Variants in CPVL observed in about 807,000 individuals in gnomAD.
CPVL encodes carboxypeptidase vitellogenic like.
CPVL carries 51 observed loss-of-function variants against 63.7 expected under a neutral mutation model. The ratio of observed to expected loss-of-function variants is 0.80; its 90% CI spans 0.64 to 1.01. The LOEUF is 1.01. Ranked by LOEUF, CPVL falls within the 50% of genes least tolerant of loss-of-function variation. The pLI, the probability that CPVL is intolerant of heterozygous loss-of-function variation, is 0.00. For missense variants in CPVL, 530 were observed against 573.1 expected, an observed-to-expected ratio of 0.92 and a Z score of 0.77; for synonymous variants, 195 against 206.0, an observed-to-expected ratio of 0.95 and a Z score of 0.46.
intron 1 of CPVL, among the ~76,000 whole-genome samples, chr7:29,188,948 C>CTTTTT (rs11376135): frequency 5.5e-4 from 72 of 129,958 alleles, no homozygotes; most frequent in African/African-American, 2.0e-3. Flanking sequence ...TTCCTCATAC[C>CTTTTT]TTTTTTTTTT....
chr7:29,171,854 C>T (rs1796650414), intron 5 of CPVL, among the ~76,000 whole-genome samples: 2 of 152,176 alleles, frequency 1.3e-5, no homozygotes, highest in Admixed American at 6.5e-5. Flanking sequence ...TTCAAGCATG[C>T]CGTCACATAT....
At chr7:29,016,187 C>T (rs1786389508) in intron 12 of CPVL, among the ~76,000 whole-genome samples, 1 of 151,956 alleles carries the variant, frequency 6.6e-6, no homozygotes. Context: ...CCTGTCTCTA[C>T]TAAAAACACA....
At chr7:29,115,648 AAAAAGG>A (rs1172274761) in intron 2 of CPVL, among the ~76,000 whole-genome samples, 1 of 148,294 alleles carries the variant, frequency 6.7e-6, no homozygotes, top group East Asian at 2.2e-4. Flanking sequence ...TCCCAAAAAA[AAAAAGG>A]AGAGTAGAGA....
rs1009346876 is a variant in CPVL, at chr7:29,078,073, C to A, written c.610-5650G>T. ...ACTTCCTAGACATTTCCAGACCATG[C>A]GTCATCTAATTTCAAGACCATACTG... On this transcript the variant is annotated intron_variant, in intron 7 of 12. Transcript: ENST00000265394. 2.0e-5 allele frequency among the ~76,000 whole-genome samples: 3 copies of A among 152,110 alleles called. No homozygotes were observed. The East Asian group carries it at 5.8e-4, about 29-fold the overall frequency.
intron 1 of CPVL, among the ~76,000 whole-genome samples, chr7:29,130,770 G>A (rs1027715686): frequency 6.6e-6 from 1 of 152,128 alleles, no homozygotes; most frequent in Non-Finnish European, 1.5e-5. Context: ...TGCAACTGTT[G>A]ATAAAAACGG....
intron 2 of CPVL, among the ~76,000 whole-genome samples, chr7:29,116,026 T>C (rs907337282): frequency 9.2e-5 from 14 of 152,178 alleles, no homozygotes; most frequent in Non-Finnish European, 1.9e-4. Flanking sequence ...TTTGTGTTAT[T>C]TAACTTTGCA....
exon 3 of CPVL, chr7:29,185,576 C>G (rs1206931181): frequency 1.3e-5 from 2 of 151,746 alleles, no homozygotes; most frequent in Non-Finnish European, 2.9e-5. Context: ...CTTATCAAAC[C>G]TTAGCAGCAT....
At chr7:29,123,628 A>AAAATAT (rs1562780901) in intron 1 of CPVL, among the ~76,000 whole-genome samples, 55 of 41,742 alleles carry the variant, frequency 1.3e-3, no homozygotes, top group Non-Finnish European at 1.9e-3. Context: ...AAAAAAAAAA[A>AAAATAT]ATATATATAT....
rs554266113 is a variant in CPVL, at chr7:29,061,713, G to A, written c.1137+2348C>T. Among the ~76,000 whole-genome samples, 10 of 152,200 alleles carry A rather than the reference G, an allele frequency of 6.6e-5. No homozygotes were observed. In the South Asian group the frequency reaches 1.9e-3, roughly 28 times the overall value. ...TGCAATCCTAGCACTTTGGGAGGCC[G>A]AGGTGGGCGGATCACCTGAGGTCAG... is the stretch of plus-strand genomic sequence containing the variant. On this transcript the variant is annotated intron_variant, in intron 11 of 12. Transcript: ENST00000265394.
intron 12 of CPVL, 69 bp downstream of exon 12, chr7:29,030,508 T>C: frequency 6.8e-7 from 1 of 1,459,906 alleles, no homozygotes; most frequent in Non-Finnish European, 9.4e-7. Context: ...GTCTCATTGC[T>C]ATTCAGGCTT....
chr7:29,060,207 T>G (rs1791135286), intron 11 of CPVL, among the ~76,000 whole-genome samples: 1 of 152,148 alleles, frequency 6.6e-6, no homozygotes, highest in Non-Finnish European at 1.5e-5. Flanking sequence ...CAGGCACTCT[T>G]CTAAGTGTGT....
intron 1 of CPVL, among the ~76,000 whole-genome samples, chr7:29,187,576 T>C (rs940617167): frequency 1.3e-5 from 2 of 151,826 alleles, no homozygotes; most frequent in African/African-American, 4.8e-5. Flanking sequence ...ATACAAAAAT[T>C]AGCTGGGTGT....
At chr7:29,067,475 AG>A (rs1481352855) in intron 9 of CPVL, among the ~76,000 whole-genome samples, 1 of 152,164 alleles carries the variant, frequency 6.6e-6, no homozygotes, top group Non-Finnish European at 1.5e-5. Context: ...ATGATGAGCA[AG>A]GAAGACACCT....
intron 5 of CPVL, among the ~76,000 whole-genome samples, chr7:29,156,818 A>G (rs1794437350): frequency 3.6e-5 from 1 of 28,068 alleles, no homozygotes; most frequent in African/African-American, 3.9e-4. Context: ...TTCTTTATCA[A>G]AACTGACAGT....
Position 29,134,370 on chromosome 7 carries a change from A to C in CPVL, c.-11+12059T>G, listed in dbSNP as rs138111622. Among the ~76,000 whole-genome samples, 1,316 of 152,336 alleles carry C rather than the reference A, an allele frequency of 8.6e-3. 17 individuals carry two copies. Among genetic ancestry groups the C allele is most frequent in the African/African-American group, 0.03 (1,253 of 41,564 alleles). Reference sequence around the variant, plus strand: ...GACAAATCCCTTCAACACAGTGTCCAACCAGCAATTTAGTTTCTCACACTT... The same window carrying C: ...GACAAATCCCTTCAACACAGTGTCCCACCAGCAATTTAGTTTCTCACACTT... On this transcript the variant is annotated intron_variant, in intron 1 of 12. Coordinates refer to ENST00000265394, the MANE Select transcript of CPVL (RefSeq NM_031311.5).
intron 1 of CPVL, among the ~76,000 whole-genome samples, chr7:29,190,031 T>C (rs1162658609): frequency 6.6e-6 from 1 of 152,248 alleles, no homozygotes; most frequent in Non-Finnish European, 1.5e-5. Context: ...TGCCTGCTCA[T>C]TAACCCATCC....
intron 3 of CPVL, among the ~76,000 whole-genome samples, chr7:29,097,207 T>C (rs934492110): frequency 6.6e-6 from 1 of 150,944 alleles, no homozygotes; most frequent in Non-Finnish European, 1.5e-5. Flanking sequence ...AATGAGCTAC[T>C]GGCCGTAGTG....
chr7:29,191,666 G>A (rs914806124), intron 1 of CPVL: 8 of 152,100 alleles, frequency 5.3e-5, no homozygotes, highest in African/African-American at 9.7e-5. Context: ...AATATTTGAA[G>A]AAAAAAGGCA....
chr7:29,049,325 C>T (rs1027665847), intron 11 of CPVL, among the ~76,000 whole-genome samples: 3 of 151,856 alleles, frequency 2.0e-5, no homozygotes, highest in South Asian at 2.1e-4. Flanking sequence ...AGAAACAAAA[C>T]GGGAGACATT....
Sources: allele counts gnomAD v4.1 joint callset (sites outside exome capture counted in the v4.1 genomes callset), GRCh38; gene constraint gnomAD v4.1.1; transcripts MANE v1.5; gene names NCBI Gene and HGNC (gene_info 2026-07-23, HGNC 2026-07-21).